The following PI4KA variants were observed in gnomAD, a reference collection of about 807,000 sequenced individuals.
The protein encoded by PI4KA is PI4-kinase alpha.
PI4KA carries 122 observed loss-of-function variants against 271.4 expected under a neutral mutation model. That is an observed-to-expected ratio of 0.45 (90% CI 0.39 to 0.52). The LOEUF is 0.52. Among genes scored for constraint, PI4KA ranks in the 20% least tolerant of loss-of-function variants. The pLI, the probability that PI4KA is intolerant of heterozygous loss-of-function variation, is 0.00. For missense variants in PI4KA, 1,969 were observed against 2,769.1 expected (o/e 0.71, Z 6.48); for synonymous variants, 1,041 against 1,078.8 (o/e 0.96, Z 0.69).
At chr22:20,812,630 T>C (rs1255377479) in intron 8 of PI4KA, among the ~76,000 whole-genome samples, 1 of 152,200 alleles carries the variant, frequency 6.6e-6, no homozygotes, top group Non-Finnish European at 1.5e-5. Context: ...TGTTGACTAC[T>C]GCAACCTCCA....
At chr22:20,726,207 T>G in intron 42 of PI4KA, 46 of 332,638 alleles carry the variant, frequency 1.4e-4, no homozygotes, top group Admixed American at 2.1e-4. Context: ...ACCCCACCGA[T>G]GAGAGGGAAG....
chr22:20,858,769 G>T lies in PI4KA; in HGVS notation c.-44C>A. 7.3e-7 allele frequency: 1 copy of T among 1,368,520 alleles called. No individual in the cohort carries two copies. The highest frequency in any genetic ancestry group is 9.5e-7 in the Non-Finnish European group (1 of 1,057,300). 84.8% of individuals were successfully genotyped at this position (1,368,520 alleles called of 1,614,324 possible). A position where few individuals can be genotyped will look rare whatever the true frequency, so the allele number is the denominator to read the frequency against. On this transcript the variant is annotated 5_prime_UTR_variant, in exon 1 of 55. Transcript: ENST00000255882. ...GCTGCCCGCCGGCTCCCCGCTCCTGGCCCGCGAGCGCCCGACCTCAGGGCG... is the reference window on the plus strand; with the variant it reads ...GCTGCCCGCCGGCTCCCCGCTCCTGTCCCGCGAGCGCCCGACCTCAGGGCG...
At chr22:20,768,270 C>A (rs911467907) in intron 19 of PI4KA, among the ~76,000 whole-genome samples, 9 of 152,172 alleles carry the variant, frequency 5.9e-5, no homozygotes, top group African/African-American at 1.4e-4. Context: ...AAGGCTCTCA[C>A]TATGTTGCCC....
At chr22:20,708,216 T>C (rs1220175750) in intron 54 of PI4KA, 118 bp from the exon 55 acceptor site, 9 of 816,874 alleles carry the variant, frequency 1.1e-5, no homozygotes, top group Non-Finnish European at 1.7e-5. Flanking sequence ...CACCTGAAGG[T>C]ACAAATGTCC....
At chr22:20,734,729 T>C in intron 32 of PI4KA, 176 bp from the exon 33 acceptor site, 1 of 794,144 alleles carries the variant, frequency 1.3e-6, no homozygotes, top group South Asian at 1.9e-5. Flanking sequence ...GTCATCTGTG[T>C]CAGTGCTTGG....
intron 23 of PI4KA, among the ~76,000 whole-genome samples, chr22:20,755,269 A>C (rs1931156477): frequency 6.6e-6 from 1 of 152,176 alleles, no homozygotes; most frequent in African/African-American, 2.4e-5. Flanking sequence ...GAGCTCTTTC[A>C]GGTTGGCTCC....
chr22:20,758,886 AC>A (rs1390985153), intron 23 of PI4KA, among the ~76,000 whole-genome samples: 1 of 152,092 alleles, frequency 6.6e-6, no homozygotes, highest in Non-Finnish European at 1.5e-5. Flanking sequence ...AGCTTCCAGA[AC>A]CCTCACAGTC....
At chr22:20,757,371 G>A (rs1931421954) in intron 23 of PI4KA, among the ~76,000 whole-genome samples, 2 of 152,182 alleles carry the variant, frequency 1.3e-5, no homozygotes, top group South Asian at 4.1e-4. Context: ...GCTTTATTTT[G>A]AATTAAGGTG....
intron 19 of PI4KA, chr22:20,779,620 C>T (rs757463917): frequency 1.8e-5 from 29 of 1,614,034 alleles, no homozygotes; most frequent in Middle Eastern, 3.3e-4. Flanking sequence ...TCAGTTTCCC[C>T]GACAGACTCT....
At chr22:20,854,364 G>A (rs1410276262) in intron 1 of PI4KA, among the ~76,000 whole-genome samples, 1 of 151,886 alleles carries the variant, frequency 6.6e-6, no homozygotes, top group East Asian at 1.9e-4. Context: ...CAAGCGATCA[G>A]CCTGCCTCAG....
At chr22:20,739,788 C>G (rs932143317) in intron 32 of PI4KA, among the ~76,000 whole-genome samples, 1 of 152,058 alleles carries the variant, frequency 6.6e-6, no homozygotes, top group South Asian at 2.1e-4. Context: ...AATGGCTGGG[C>G]GTGGTGGCTC....
At chr22:20,714,346 C>T in intron 47 of PI4KA, 112 bp downstream of exon 47, 1 of 1,500,640 alleles carries the variant, frequency 6.7e-7, no homozygotes, top group East Asian at 2.4e-5. Flanking sequence ...GACAGATGGA[C>T]AGACATCATC....
At chr22:20,848,081 T>C (rs1267754722) in intron 1 of PI4KA, among the ~76,000 whole-genome samples, 3 of 151,864 alleles carry the variant, frequency 2.0e-5, no homozygotes, top group Admixed American at 1.3e-4. Context: ...CTGCTAAAAA[T>C]ACAAAAATTA....
intron 8 of PI4KA, among the ~76,000 whole-genome samples, chr22:20,811,301 A>T (rs1210283833): frequency 6.6e-6 from 1 of 152,146 alleles, no homozygotes; most frequent in African/African-American, 2.4e-5. Flanking sequence ...TTGACCTGAG[A>T]TTTCTGTTTC....
In PI4KA at chr22:20,727,900, G is replaced by A. The variant is rs375002092; in HGVS notation, c.4683-36C>T. On this transcript the variant is annotated intron_variant, in intron 39 of 54. Transcript: ENST00000255882. ...CAGAGGGTATGGGTGGTGCTGCCTCGCCAGGGAACCTGCACTCTCCCACCA... is the reference window on the plus strand; with the variant it reads ...CAGAGGGTATGGGTGGTGCTGCCTCACCAGGGAACCTGCACTCTCCCACCA... 6.8e-5 allele frequency: 105 copies of A among 1,537,512 alleles called. No individual in the cohort carries two copies. In the African/African-American group the frequency reaches 8.6e-4, roughly 13 times the overall value.
At chr22:20,825,272 T>C (rs1227079426) in intron 3 of PI4KA, among the ~76,000 whole-genome samples, 1 of 152,130 alleles carries the variant, frequency 6.6e-6, no homozygotes, top group Admixed American at 6.6e-5. Context: ...CTTTTAGTAA[T>C]GATGCTCTAT....
chr22:20,751,296 A>G lies in PI4KA; in HGVS notation c.3150T>C (p.Arg1050=), dbSNP rs749323861. 2 of 1,613,268 alleles carry G rather than the reference A, an allele frequency of 1.2e-6. No homozygotes were observed. The highest frequency in any genetic ancestry group is 1.7e-6 in the Non-Finnish European group (2 of 1,179,380). The change falls in exon 27 of 55, where the codon CGT becomes CGC. Residue 1050 remains arginine (R), a synonymous_variant. Coordinates refer to ENST00000255882, the MANE Select transcript of PI4KA (RefSeq NM_058004.4). The part of the protein sequence containing the change: ...RITVPDTYEA[R]ESIVKDFAAR... ...CAGGGGATCGTGTCGGGCCTACCTC[A>G]CGGGCTTCGTACGTGTCAGGAACCG...
At chr22:20,785,067 CTTT>C (rs1555894632) in intron 19 of PI4KA, among the ~76,000 whole-genome samples, 10 of 134,412 alleles carry the variant, frequency 7.4e-5, no homozygotes, top group African/African-American at 1.1e-4. Context: ...GGGACTGCAT[CTTT>C]TTTTTTTTTT....
chr22:20,816,509 GAA>G (rs1327423936), intron 7 of PI4KA, among the ~76,000 whole-genome samples: 2 of 152,116 alleles, frequency 1.3e-5, no homozygotes. Context: ...CCGGCTGTAA[GAA>G]AAGTCTTAGT....
Sources: allele counts gnomAD v4.1 joint callset (sites outside exome capture counted in the v4.1 genomes callset), GRCh38; gene constraint gnomAD v4.1.1; transcripts MANE v1.5; gene names NCBI Gene and HGNC (gene_info 2026-07-23, HGNC 2026-07-21).